Variants in FSD2 observed in about 807,000 individuals in gnomAD.
FSD2 encodes fibronectin type III and SPRY domain containing 2.
In FSD2, 71 loss-of-function variants were observed where a neutral mutation model predicts 80.4. The observed-to-expected ratio is 0.88, with a 90% CI of 0.73 to 1.08. The LOEUF is 1.08. FSD2 is among the 50% of genes least tolerant of loss of function. The pLI is 0.00. For missense variants in FSD2, 923 were observed against 913.8 expected, an observed-to-expected ratio of 1.01 and a Z score of -0.13; for synonymous variants, 361 against 329.5, an observed-to-expected ratio of 1.10 and a Z score of -1.03.
intron 1 of FSD2, among the ~76,000 whole-genome samples, chr15:82,789,233 A>T (rs1167451152): frequency 6.6e-6 from 1 of 152,078 alleles, no homozygotes. Context: ...ATGTTTATGG[A>T]GAGCAAATGA....
chr15:82,769,659 T>A, intron 8 of FSD2, 91 bp downstream of exon 8: 1 of 1,429,452 alleles, frequency 7.0e-7, no homozygotes, highest in Non-Finnish European at 9.5e-7. Context: ...CCCTTCTGAA[T>A]GAAATCAAGA....
At chr15:82,798,080 C>T (rs557059373) in intron 1 of FSD2, among the ~76,000 whole-genome samples, 2 of 151,898 alleles carry the variant, frequency 1.3e-5, no homozygotes, top group African/African-American at 4.8e-5. Flanking sequence ...GGCTGACACC[C>T]GTTATCCAAG....
chr15:82,799,085 C>T (rs1168868896), intron 1 of FSD2, among the ~76,000 whole-genome samples: 3 of 152,022 alleles, frequency 2.0e-5, no homozygotes, highest in Admixed American at 6.6e-5. Flanking sequence ...ACTATGTTGC[C>T]CAGGCTGGTC....
intron 1 of FSD2, 51 bp from the exon 2 acceptor site, chr15:82,787,519 T>A: frequency 1.2e-6 from 1 of 828,080 alleles, no homozygotes; most frequent in Non-Finnish European, 1.9e-6. Context: ...GGCATTGCAG[T>A]AGATGATCAT....
intron 1 of FSD2, among the ~76,000 whole-genome samples, chr15:82,792,566 G>C (rs991207126): frequency 2.0e-5 from 3 of 152,106 alleles, no homozygotes; most frequent in Admixed American, 1.3e-4. Flanking sequence ...ATTCTGTGAG[G>C]TGTCCTTTTA....
At chr15:82,778,541 G>C (rs1355555632) in intron 6 of FSD2, among the ~76,000 whole-genome samples, 1 of 152,126 alleles carries the variant, frequency 6.6e-6, no homozygotes, top group Non-Finnish European at 1.5e-5. Context: ...CTTGGGGGAA[G>C]GGGAAACGGG....
rs887481030 is a variant in FSD2 at position 82,757,072 on chromosome 15, G to A, written c.*2276C>T. The A allele has an allele frequency of 2.0e-5, 3 of 152,166 alleles. No individual in the cohort carries two copies. Among genetic ancestry groups the A allele is most frequent in the Non-Finnish European group, 4.4e-5 (3 of 68,014 alleles). 9.4% of individuals were successfully genotyped at this position (152,166 alleles called of 1,614,324 possible). The stretch of plus-strand genomic sequence containing the variant: ...TGTTTTCTTCTAAATAAATGAGAAA[G>A]ATGTTTCAACAAAGGCTCTTTATGC... On this transcript the variant is annotated 3_prime_UTR_variant, in exon 13 of 13. Transcript: ENST00000334574.
chr15:82,794,176 T>A (rs1042768295), intron 1 of FSD2, among the ~76,000 whole-genome samples: 1 of 152,158 alleles, frequency 6.6e-6, no homozygotes, highest in Admixed American at 6.5e-5. Flanking sequence ...TTTCATGTTA[T>A]CTTCATGTCT....
At chr15:82,796,852 A>G (rs2050283721) in intron 1 of FSD2, among the ~76,000 whole-genome samples, 1 of 152,122 alleles carries the variant, frequency 6.6e-6, no homozygotes, top group Non-Finnish European at 1.5e-5. Context: ...TCAACTTTAT[A>G]TTTAATCTTT....
intron 1 of FSD2, among the ~76,000 whole-genome samples, chr15:82,794,812 C>A (rs1246837969): frequency 1.3e-5 from 2 of 151,682 alleles, no homozygotes; most frequent in African/African-American, 4.9e-5. Flanking sequence ...GCAAGCTCCG[C>A]CTCCCAGGTT....
At position 82,768,755 on chromosome 15, in the gene FSD2, C is replaced by G. The variant is rs955312007; in HGVS notation, c.1553+125G>C. 1.4e-5 allele frequency: 13 copies of G among 951,486 alleles called. 1 individual carries two copies. The Admixed American group carries it at 3.8e-4, about 28-fold the overall frequency. 58.9% of individuals were successfully genotyped at this position (951,486 alleles called of 1,614,324 possible). A position where few individuals can be genotyped will look rare whatever the true frequency, so the allele number is the denominator to read the frequency against. On this transcript the variant is annotated intron_variant, in intron 9 of 12. Transcript: ENST00000334574. ...CTACTTCTCATGAACACTAAGCAAC[C>G]AAAAATTGAGATTCCTGTGTATCAA...
In FSD2 at chr15:82,756,529, AAC is replaced by A. The variant is rs1210692810; in HGVS notation, c.*2817_*2818del. ...TGAACCAGCAGGAAGTAATTTATTA[AAC>A]ACACTTTTCTAAATAAAAGTCATTT... On this transcript the variant is annotated 3_prime_UTR_variant, in exon 13 of 13. Transcript: ENST00000334574. 1 of 152,286 alleles carries A rather than the reference AAC, an allele frequency of 6.6e-6. No individual in the cohort carries two copies. The highest frequency in any genetic ancestry group is 6.5e-5 in the Admixed American group (1 of 15,292). The allele number at this position is 152,286 out of a possible 1,614,324, so 9.4% of individuals were successfully genotyped here. A position where few individuals can be genotyped will look rare whatever the true frequency, so the allele number is the denominator to read the frequency against.
In FSD2 at chr15:82,755,676, A is replaced by C. The variant is rs1198088436; in HGVS notation, c.*3672T>G. 6.5e-6 allele frequency: 1 copy of C among 154,024 alleles called. No homozygotes were observed. The highest frequency in any genetic ancestry group is 1.4e-5 in the Non-Finnish European group (1 of 69,072). The allele number at this position is 154,024 out of a possible 1,614,324, so 9.5% of individuals were successfully genotyped here. A position where few individuals can be genotyped will look rare whatever the true frequency, so the allele number is the denominator to read the frequency against. On this transcript the variant is annotated 3_prime_UTR_variant, in exon 13 of 13. Coordinates refer to ENST00000334574, the MANE Select transcript of FSD2 (RefSeq NM_001007122.4). ...CCTGTTCAGTAGCAACTCTAAAATA[A>C]GTACTAACTTAGGGGCAGTTGTTGT...
In FSD2 at chr15:82,787,509, G is replaced by A. The variant is rs545071764; in HGVS notation, c.-78-41C>T. 1.9e-4 allele frequency: 184 copies of A among 948,080 alleles called. 1 individual carries two copies. Among genetic ancestry groups the A allele is most frequent in the Admixed American group, 2.7e-4 (10 of 37,614 alleles). The allele number at this position is 948,080 out of a possible 1,614,324, so 58.7% of individuals were successfully genotyped here. A position where few individuals can be genotyped will look rare whatever the true frequency, so the allele number is the denominator to read the frequency against. On this transcript the variant is annotated intron_variant, in intron 1 of 12. Coordinates refer to ENST00000334574, the MANE Select transcript of FSD2 (RefSeq NM_001007122.4). Reference sequence around the variant, plus strand: ...AGGAGGAAAATCATTTCTGGAGAAGGGCATTGCAGTAGATGATCATTAGAT... The same window carrying A: ...AGGAGGAAAATCATTTCTGGAGAAGAGCATTGCAGTAGATGATCATTAGAT...
intron 4 of FSD2, 45 bp from the exon 5 acceptor site, chr15:82,780,312 ATTTCTTT>A (rs1478481622): frequency 7.3e-7 from 1 of 1,368,542 alleles, no homozygotes; most frequent in Non-Finnish European, 9.9e-7. Context: ...TTGGAAATAA[ATTTCTTT>A]TTTCTTTTTC....
intron 6 of FSD2, among the ~76,000 whole-genome samples, chr15:82,778,127 C>CAT (rs34527251): frequency 0.11 from 9,358 of 83,784 alleles, 605 homozygotes; most frequent in South Asian, 0.25. Context: ...ACAAAAAAAC[C>CAT]ATATATATAT....
chr15:82,797,039 A>C (rs79524991), intron 1 of FSD2, among the ~76,000 whole-genome samples: 75 of 149,870 alleles, frequency 5.0e-4, no homozygotes, highest in Non-Finnish European at 1.0e-3. Context: ...AAAAAAAAAA[A>C]AACACCTCCA....
At chr15:82,768,182 A>G (rs746854531) in intron 9 of FSD2, among the ~76,000 whole-genome samples, 7 of 152,092 alleles carry the variant, frequency 4.6e-5, no homozygotes, top group South Asian at 2.1e-4. Flanking sequence ...TTCAGCTGCA[A>G]TCTCTTTTGT....
At chr15:82,772,032 C>G (rs764923635) in intron 7 of FSD2, 41 bp downstream of exon 7, 4 of 1,508,576 alleles carry the variant, frequency 2.7e-6, no homozygotes. Context: ...GGGGCCTGAA[C>G]TGTTCCCATG....
Sources: allele counts gnomAD v4.1 joint callset (sites outside exome capture counted in the v4.1 genomes callset), GRCh38; gene constraint gnomAD v4.1.1; transcripts MANE v1.5; gene names NCBI Gene and HGNC (gene_info 2026-07-23, HGNC 2026-07-21).